Variants in CHRDL1 observed in about 807,000 individuals in gnomAD.
The protein encoded by CHRDL1 is chordin like 1, also known as chordin-like protein 1.
CHRDL1 carries 19 observed loss-of-function variants against 40.9 expected under a neutral mutation model. That is an observed-to-expected ratio of 0.46 (90% CI 0.32 to 0.68). The LOEUF (loss-of-function observed/expected upper bound fraction) is 0.68. Among genes scored for constraint, CHRDL1 ranks in the 30% least tolerant of loss-of-function variants. The probability of loss-of-function intolerance (pLI) is 0.03; values close to 1 mark genes in which losing one functional copy is unlikely to be tolerated. For missense variants in CHRDL1, 329 were observed against 352.1 expected, an observed-to-expected ratio of 0.93 and a Z score of 0.53; for synonymous variants, 136 against 123.4, an observed-to-expected ratio of 1.10 and a Z score of -0.68.
chrX:110,777,905 A>G, intron 2 of CHRDL1, among the ~76,000 whole-genome samples: 1 of 111,433 alleles, frequency 9.0e-6, no homozygotes, highest in Admixed American at 9.6e-5. Flanking sequence ...TTGGTGTTGT[A>G]TCTAAAAAGT....
chrX:110,742,460 G>T (rs1837912528), intron 4 of CHRDL1, among the ~76,000 whole-genome samples: 1 of 112,472 alleles, frequency 8.9e-6, no homozygotes, highest in African/African-American at 3.2e-5. Flanking sequence ...GGCAGAAAAA[G>T]ATTTTCTTTA....
At chrX:110,795,269 C>G (rs1040607824) in intron 1 of CHRDL1, among the ~76,000 whole-genome samples, 23 of 111,349 alleles carry the variant, frequency 2.1e-4, no homozygotes, top group Non-Finnish European at 9.4e-5. Flanking sequence ...CAAATTCTGA[C>G]CCCCGTAGTC....
chrX:110,741,625 C>T (rs1203761470), intron 4 of CHRDL1, among the ~76,000 whole-genome samples: 1 of 111,197 alleles, frequency 9.0e-6, no homozygotes, highest in South Asian at 3.9e-4. Flanking sequence ...ATGGTGTGGC[C>T]GGAATTCTAG....
chrX:110,780,515 G>C (rs1262025109), intron 2 of CHRDL1, among the ~76,000 whole-genome samples: 1 of 111,521 alleles, frequency 9.0e-6, no homozygotes, highest in East Asian at 2.8e-4. Context: ...TGGGATATTA[G>C]GTTGTTTCCA....
chrX:110,746,309 C>T, intron 4 of CHRDL1, among the ~76,000 whole-genome samples: 1 of 110,908 alleles, frequency 9.0e-6, no homozygotes, highest in South Asian at 3.8e-4. Flanking sequence ...GTAAGGCAGC[C>T]TAATCAACAC....
intron 8 of CHRDL1, among the ~76,000 whole-genome samples, chrX:110,690,973 GC>G (rs1251392101): frequency 9.0e-6 from 1 of 110,783 alleles, no homozygotes; most frequent in East Asian, 2.8e-4. Flanking sequence ...ACTTTGGGAG[GC>G]CGAGGCAGGA....
chrX:110,766,683 T>C (rs975337132), intron 2 of CHRDL1, among the ~76,000 whole-genome samples: 3 of 75,212 alleles, frequency 4.0e-5, no homozygotes, highest in South Asian at 1.8e-3. Context: ...AGCAGAGAGA[T>C]TGAAATGGTA....
At chrX:110,779,345 C>T (rs1174875608) in intron 2 of CHRDL1, among the ~76,000 whole-genome samples, 1 of 111,607 alleles carries the variant, frequency 9.0e-6, no homozygotes, top group East Asian at 2.8e-4. Flanking sequence ...GCATTTGACA[C>T]TCATGTCTGT....
intron 7 of CHRDL1, among the ~76,000 whole-genome samples, chrX:110,696,106 A>G (rs1823183045): frequency 9.0e-6 from 1 of 111,307 alleles, no homozygotes; most frequent in African/African-American, 3.3e-5. Flanking sequence ...AGGAACACAT[A>G]GAGGACAGTT....
chrX:110,772,650 GAAC>G (rs1181636501), intron 2 of CHRDL1, among the ~76,000 whole-genome samples: 1 of 112,433 alleles, frequency 8.9e-6, no homozygotes, highest in South Asian at 3.7e-4. Flanking sequence ...AAAGCAAAAA[GAAC>G]AACAACAGAC....
At chrX:110,677,009 G>A (rs2069791843) in intron 11 of CHRDL1, among the ~76,000 whole-genome samples, 1 of 110,528 alleles carries the variant, frequency 9.0e-6, no homozygotes, top group African/African-American at 3.3e-5. Flanking sequence ...AGTAAACTTG[G>A]CTGTAGCCCT....
At chrX:110,786,230 T>G (rs142023423) in intron 2 of CHRDL1, among the ~76,000 whole-genome samples, 3,175 of 112,326 alleles carry the variant, frequency 0.028, 105 homozygotes, top group African/African-American at 0.097. Flanking sequence ...TATAATCTAC[T>G]AAACCAAATG....
chrX:110,758,965 C>A (rs1159414591), intron 4 of CHRDL1, among the ~76,000 whole-genome samples: 2 of 111,752 alleles, frequency 1.8e-5, no homozygotes, highest in Non-Finnish European at 3.8e-5. Flanking sequence ...GGCCCACAGG[C>A]ATTCTCTGAA....
intron 2 of CHRDL1, among the ~76,000 whole-genome samples, chrX:110,777,388 G>A (rs946346284): frequency 4.5e-5 from 5 of 111,159 alleles, no homozygotes; most frequent in Non-Finnish European, 9.5e-5. Flanking sequence ...TGGATCATAC[G>A]GTAAAAGTAT....
At chrX:110,689,941 C>CTATATATCTA (rs1308327897) in intron 8 of CHRDL1, among the ~76,000 whole-genome samples, 1 of 10,643 alleles carries the variant, frequency 9.4e-5, no homozygotes, top group African/African-American at 1.4e-3. Context: ...CTATATATAT[C>CTATATATCTA]TATATATCTA....
chrX:110,719,835 C>T lies in CHRDL1; in HGVS notation c.541G>A (p.Gly181Arg). The change falls in exon 6 of 12, where the codon GGA becomes AGA. Residue 181 changes from glycine (G) to arginine (R), a missense_variant and splice_region_variant. Physicochemically the swap from Gly to Arg is moderately radical, Grantham distance 125 (BLOSUM62 -2). Coordinates refer to ENST00000372042, the MANE Select transcript of CHRDL1 (RefSeq NM_001143981.2). ...GGGTCTTGGGATATAACACACCTAC[C>T]TCTGCATACCCGGCAGCAGGAATCT... The part of the protein sequence containing the change: ...VPDSCCRVCR[G>R]DGELSWEHSD... 8.4e-7 allele frequency: 1 copy of T among 1,188,716 alleles called. No individual in the cohort carries two copies. Among genetic ancestry groups the T allele is most frequent in the East Asian group, 3.0e-5 (1 of 33,713 alleles).
chrX:110,694,440 T>G lies in CHRDL1; in HGVS notation c.610-109A>C, dbSNP rs1006035708. 4 of 520,753 alleles carry G rather than the reference T, an allele frequency of 7.7e-6. No homozygotes were observed. In the African/African-American group the frequency reaches 9.5e-5, roughly 12 times the overall value. The allele number at this position is 520,753 out of a possible 1,213,427, so 42.9% of individuals were successfully genotyped here. A position where few individuals can be genotyped will look rare whatever the true frequency, so the allele number is the denominator to read the frequency against. ...AATTTTGATTTATAGTGGTGAGCTC[T>G]GATTTCAGCTGCATGCTTACCTACA... On this transcript the variant is annotated intron_variant, in intron 7 of 11. Transcript: ENST00000372042.
chrX:110,774,998 G>T (rs755459413), intron 2 of CHRDL1, among the ~76,000 whole-genome samples: 4 of 111,978 alleles, frequency 3.6e-5, no homozygotes, highest in African/African-American at 1.3e-4. Context: ...CGAAATTTCA[G>T]TCTCTGTGAC....
chrX:110,751,320 C>G (rs1260572277), intron 4 of CHRDL1, among the ~76,000 whole-genome samples: 1 of 111,959 alleles, frequency 8.9e-6, no homozygotes, highest in African/African-American at 3.2e-5. Flanking sequence ...ATACATTGCT[C>G]CTAGAAATTG....
Sources: gnomAD v4.1 joint callset for allele counts (sites outside exome capture counted in the v4.1 genomes callset) on GRCh38, gnomAD v4.1.1 for gene constraint, MANE v1.5 for transcripts, NCBI Gene and HGNC (gene_info 2026-07-23, HGNC 2026-07-21) for gene names.